Variants in CRACR2A observed in about 807,000 individuals in gnomAD.
CRACR2A encodes EF-hand calcium-binding domain-containing protein 4B.
A neutral mutation model predicts 90.5 loss-of-function variants in CRACR2A; 79 were observed. The ratio of observed to expected loss-of-function variants is 0.87; its 90% CI spans 0.73 to 1.05. CRACR2A has a LOEUF of 1.05. Among genes scored for constraint, CRACR2A ranks in the 50% least tolerant of loss-of-function variants. The probability of loss-of-function intolerance (pLI) is 0.00; values close to 1 mark genes in which losing one functional copy is unlikely to be tolerated. For synonymous variants in CRACR2A, 338 were observed against 356.7 expected (o/e 0.95, Z 0.59); for missense variants, 823 against 897.2 (o/e 0.92, Z 1.06).
At chr12:3,687,069 C>T (rs1256378813) in intron 4 of CRACR2A, among the ~76,000 whole-genome samples, 3 of 152,108 alleles carry the variant, frequency 2.0e-5, no homozygotes, top group Admixed American at 6.5e-5. Flanking sequence ...GGGCTCCGAT[C>T]ACATGGCAGT....
intron 9 of CRACR2A, 85 bp downstream of exon 9, chr12:3,656,221 CTTAAG>C: frequency 7.7e-7 from 1 of 1,303,140 alleles, no homozygotes. Flanking sequence ...CTCAAAAGTC[CTTAAG>C]TGAATGGCAG....
At chr12:3,752,370 A>ACACACACACACACG in intron 1 of CRACR2A, 1 of 57,396 alleles carries the variant, frequency 1.7e-5, no homozygotes, top group African/African-American at 3.7e-5. Context: ...ACACACACAC[A>ACACACACACACACG]GACACACACA....
intron 2 of CRACR2A, chr12:3,728,096 C>T (rs1249351437): frequency 3.9e-5 from 6 of 152,156 alleles, no homozygotes; most frequent in Non-Finnish European, 5.9e-5. Flanking sequence ...TGGCCCTAGA[C>T]GTGCCTGCTG....
intron 7 of CRACR2A, among the ~76,000 whole-genome samples, chr12:3,671,431 G>C (rs535768030): frequency 6.6e-6 from 1 of 152,276 alleles, no homozygotes; most frequent in African/African-American, 2.4e-5. Flanking sequence ...AGCAGTCACA[G>C]AGCTAGCTGG....
At chr12:3,642,708 G>A (rs1429879191) in intron 12 of CRACR2A, among the ~76,000 whole-genome samples, 3 of 152,236 alleles carry the variant, frequency 2.0e-5, no homozygotes, top group African/African-American at 7.2e-5. Context: ...TTTGGTGGAA[G>A]TAGGCTGGGT....
At chr12:3,742,721 C>T (rs1364151179) in intron 1 of CRACR2A, among the ~76,000 whole-genome samples, 2 of 152,236 alleles carry the variant, frequency 1.3e-5, no homozygotes, top group Non-Finnish European at 2.9e-5. Context: ...GAAGGACACT[C>T]ATGGAACAGT....
chr12:3,674,461 G>T (rs1012352841), intron 6 of CRACR2A, among the ~76,000 whole-genome samples: 1 of 152,042 alleles, frequency 6.6e-6, no homozygotes, highest in African/African-American at 2.4e-5. Context: ...CCCTTTCTGG[G>T]GAAACTAAAA....
chr12:3,719,583 A>G (rs532247117), intron 2 of CRACR2A, among the ~76,000 whole-genome samples: 1 of 152,322 alleles, frequency 6.6e-6, no homozygotes, highest in Admixed American at 6.5e-5. Context: ...GATGCTTTTC[A>G]TCAGAAGCCA....
intron 4 of CRACR2A, among the ~76,000 whole-genome samples, chr12:3,684,430 G>T (rs1945516522): frequency 6.6e-6 from 1 of 152,122 alleles, no homozygotes; most frequent in African/African-American, 2.4e-5. Context: ...GACAATTTTT[G>T]GTTAAGGGGG....
chr12:3,660,829 A>AACACACACACACACACACAC, intron 7 of CRACR2A, among the ~76,000 whole-genome samples: 1 of 119,624 alleles, frequency 8.4e-6, no homozygotes, highest in South Asian at 3.3e-4. Context: ...CTGAACATGC[A>AACACACACACACACACACAC]ACACACACAC....
At chr12:3,740,962 C>G (rs2137896108) in intron 1 of CRACR2A, among the ~76,000 whole-genome samples, 1 of 152,320 alleles carries the variant, frequency 6.6e-6, no homozygotes, top group South Asian at 2.1e-4. Flanking sequence ...TGACAGCTGT[C>G]TGACCACACA....
chr12:3,626,075 T>TA (rs1944251718), intron 17 of CRACR2A, among the ~76,000 whole-genome samples: 1 of 152,222 alleles, frequency 6.6e-6, no homozygotes, highest in Non-Finnish European at 1.5e-5. Flanking sequence ...TGTAAGTGCG[T>TA]CAGGCACAGT....
At chr12:3,650,485 G>T (rs1378858877) in intron 10 of CRACR2A, among the ~76,000 whole-genome samples, 3 of 152,124 alleles carry the variant, frequency 2.0e-5, no homozygotes, top group African/African-American at 7.2e-5. Context: ...TCAACTTGAA[G>T]TAAAACAATG....
chr12:3,629,855 G>C (rs999438935), intron 15 of CRACR2A, among the ~76,000 whole-genome samples: 240 of 151,118 alleles, frequency 1.6e-3, no homozygotes, highest in Admixed American at 3.9e-3. Context: ...ACAAGGGGGG[G>C]GGGGGATGAA....
At chr12:3,743,180 G>C (rs944700474) in intron 1 of CRACR2A, among the ~76,000 whole-genome samples, 1 of 152,120 alleles carries the variant, frequency 6.6e-6, no homozygotes, top group African/African-American at 2.4e-5. Flanking sequence ...TTAAAAATAC[G>C]TTTAGTTTGC....
intron 14 of CRACR2A, among the ~76,000 whole-genome samples, chr12:3,634,711 T>C (rs1944429201): frequency 6.6e-6 from 1 of 152,206 alleles, no homozygotes; most frequent in Non-Finnish European, 1.5e-5. Flanking sequence ...CTCCTCTCAT[T>C]GAGCAAATAC....
intron 3 of CRACR2A, among the ~76,000 whole-genome samples, chr12:3,699,053 C>G (rs1272810542): frequency 6.6e-6 from 1 of 152,178 alleles, no homozygotes; most frequent in African/African-American, 2.4e-5. Flanking sequence ...CTTATTGAAC[C>G]TGACATCCTC....
At chr12:3,704,098 A>T (rs241999) in intron 3 of CRACR2A, among the ~76,000 whole-genome samples, 2 of 152,262 alleles carry the variant, frequency 1.3e-5, no homozygotes, top group African/African-American at 2.4e-5. Context: ...GCATGTGTAC[A>T]TACAAAGACT....
At chr12:3,698,681 A>G (rs1036174250) in intron 3 of CRACR2A, among the ~76,000 whole-genome samples, 1 of 152,184 alleles carries the variant, frequency 6.6e-6, no homozygotes, top group African/African-American at 2.4e-5. Flanking sequence ...ACCATCACCT[A>G]ATCCTAAGCA....
Sources: gnomAD v4.1 joint callset for allele counts (sites outside exome capture counted in the v4.1 genomes callset) on GRCh38, gnomAD v4.1.1 for gene constraint, MANE v1.5 for transcripts, NCBI Gene and HGNC (gene_info 2026-07-23, HGNC 2026-07-21) for gene names.